HNF4G: variants seen among roughly 807,000 people sequenced by gnomAD.
HNF4G encodes the protein hepatocyte nuclear factor 4-gamma.
Under a neutral mutation model 50.9 loss-of-function variants are expected in HNF4G, and 21 were observed. The observed-to-expected ratio is 0.41, with a 90% CI of 0.29 to 0.59. The LOEUF is 0.59. Among genes scored for constraint, HNF4G ranks in the 20% least tolerant of loss-of-function variants. HNF4G has a pLI of 0.26. For synonymous variants in HNF4G, 198 were observed against 185.6 expected (o/e 1.07, Z -0.54); for missense variants, 527 against 559.4 (o/e 0.94, Z 0.58).
chr8:75,451,082 T>G (rs898948300), intron 1 of HNF4G, among the ~76,000 whole-genome samples: 2 of 152,214 alleles, frequency 1.3e-5, no homozygotes, highest in African/African-American at 4.8e-5. Flanking sequence ...CTGAGACAAT[T>G]AGTAATGTTG....
At chr8:75,456,561 T>A (rs936254061) in intron 1 of HNF4G, among the ~76,000 whole-genome samples, 1 of 152,082 alleles carries the variant, frequency 6.6e-6, no homozygotes, top group African/African-American at 2.4e-5. Context: ...ATTTTATTTT[T>A]AAATAGAACA....
intron 1 of HNF4G, among the ~76,000 whole-genome samples, chr8:75,448,790 T>C (rs1811497842): frequency 6.6e-6 from 1 of 152,042 alleles, no homozygotes; most frequent in South Asian, 2.1e-4. Context: ...TAAAAGGAAG[T>C]AATGACAGAT....
intron 3 of HNF4G, among the ~76,000 whole-genome samples, chr8:75,549,156 T>C (rs1017793422): frequency 6.6e-6 from 1 of 152,214 alleles, no homozygotes; most frequent in Non-Finnish European, 1.5e-5. Context: ...CTTTTGTTCA[T>C]AAAAGAATGT....
rs983851214 is a variant in HNF4G, at chr8:75,564,268, A to G, written c.*172A>G. On this transcript the variant is annotated 3_prime_UTR_variant, in exon 10 of 10. Coordinates refer to ENST00000396423, the MANE Select transcript of HNF4G (RefSeq NM_004133.5). ...GTTCATTCTGTTTGTTATTGCTACT[A>G]TGTAAAACTTTCACATGCAACCAAT... is the stretch of plus-strand genomic sequence containing the variant. 86 of 620,390 alleles carry G rather than the reference A, an allele frequency of 1.4e-4. 1 individual carries two copies. Among genetic ancestry groups the G allele is most frequent in the East Asian group, 5.9e-4 (20 of 34,114 alleles). The allele number at this position is 620,390 out of a possible 1,614,324, so 38.4% of individuals were successfully genotyped here.
chr8:75,492,987 A>T (rs896949554), intron 2 of HNF4G, among the ~76,000 whole-genome samples: 2 of 152,096 alleles, frequency 1.3e-5, no homozygotes, highest in Admixed American at 1.3e-4. Flanking sequence ...CAAGAAATGC[A>T]TGAGGGAACA....
chr8:75,505,020 G>A (rs79006715), intron 2 of HNF4G, among the ~76,000 whole-genome samples: 7,489 of 152,084 alleles, frequency 0.049, 211 homozygotes, highest in African/African-American at 0.06. Flanking sequence ...CCAGAATCTG[G>A]GATATGCTCA....
At position 75,564,307 on chromosome 8, in the gene HNF4G, T is replaced by C; in HGVS notation, c.*211T>C. On this transcript the variant is annotated 3_prime_UTR_variant, in exon 10 of 10. Transcript: ENST00000396423. Reference sequence around the variant, plus strand: ...CATGCAACCAATGTATATCTGAGTTTGAAGATGTTTATATAGGGTATTTTT... The same window carrying C: ...CATGCAACCAATGTATATCTGAGTTCGAAGATGTTTATATAGGGTATTTTT... 6.0e-6 allele frequency: 3 copies of C among 501,178 alleles called. No individual in the cohort carries two copies. Among genetic ancestry groups the C allele is most frequent in the Non-Finnish European group, 1.1e-5 (3 of 283,720 alleles). 31.0% of individuals were successfully genotyped at this position (501,178 alleles called of 1,614,324 possible).
intron 1 of HNF4G, among the ~76,000 whole-genome samples, chr8:75,487,315 A>G (rs542222713): frequency 6.6e-6 from 1 of 152,190 alleles, no homozygotes; most frequent in South Asian, 2.1e-4. Context: ...AGAAGCTGCC[A>G]TGTTTAAGAA....
intron 1 of HNF4G, among the ~76,000 whole-genome samples, chr8:75,487,441 T>A (rs180941949): frequency 5.9e-5 from 9 of 152,268 alleles, no homozygotes; most frequent in Non-Finnish European, 8.8e-5. Context: ...TAAACAAATC[T>A]GAAATTTTCT....
intron 1 of HNF4G, among the ~76,000 whole-genome samples, chr8:75,424,206 A>G (rs1045234452): frequency 5.9e-5 from 9 of 151,986 alleles, no homozygotes; most frequent in Admixed American, 5.9e-4. Context: ...ATGGATTTTT[A>G]CATTGATTAT....
chr8:75,409,703 G>A (rs1810451416), intron 1 of HNF4G, among the ~76,000 whole-genome samples: 2 of 151,718 alleles, frequency 1.3e-5, no homozygotes, highest in South Asian at 2.1e-4. Flanking sequence ...TGGTCAGGCT[G>A]GTCTTGAACT....
In HNF4G at chr8:75,551,379, T is replaced by C. The variant is rs753811196; in HGVS notation, c.383-9T>C. 9 of 1,546,204 alleles carry C rather than the reference T, an allele frequency of 5.8e-6. No homozygotes were observed. The highest frequency in any genetic ancestry group is 1.7e-5 in the Admixed American group (1 of 59,786). ...AGTGCTCAATAAATACTGTGTTTTT[T>C]CCCCCTAGCTGTACAAAATGAACGT... On this transcript the variant is annotated splice_polypyrimidine_tract_variant and intron_variant, in intron 3 of 9. Coordinates refer to ENST00000396423, the MANE Select transcript of HNF4G (RefSeq NM_004133.5).
At position 75,565,617 on chromosome 8, in the gene HNF4G, G is replaced by A. The variant is rs73331898; in HGVS notation, c.*1521G>A. On this transcript the variant is annotated 3_prime_UTR_variant, in exon 10 of 10. Transcript: ENST00000396423. ...ATGCAGTGGCTCCTCTCTGGTTGAGGAGAGGGAAAATTGGAAAAACTGGTC... is the reference window on the plus strand; with the variant it reads ...ATGCAGTGGCTCCTCTCTGGTTGAGAAGAGGGAAAATTGGAAAAACTGGTC... 1 of 152,078 alleles carries A rather than the reference G, an allele frequency of 6.6e-6. No homozygotes were observed. Among genetic ancestry groups the A allele is most frequent in the Non-Finnish European group, 1.5e-5 (1 of 68,012 alleles). The allele number at this position is 152,078 out of a possible 1,614,324, so 9.4% of individuals were successfully genotyped here.
At chr8:75,502,611 C>G (rs1258314678) in intron 2 of HNF4G, among the ~76,000 whole-genome samples, 1 of 152,124 alleles carries the variant, frequency 6.6e-6, no homozygotes, top group Non-Finnish European at 1.5e-5. Context: ...CAATGTAATA[C>G]TACTCTTACC....
At chr8:75,424,798 G>GGAC (rs1391029996) in intron 1 of HNF4G, among the ~76,000 whole-genome samples, 1 of 152,118 alleles carries the variant, frequency 6.6e-6, no homozygotes, top group African/African-American at 2.4e-5. Context: ...CACCATTGAT[G>GGAC]GACACCAAGG....
chr8:75,412,017 T>C (rs1810514740), intron 1 of HNF4G, among the ~76,000 whole-genome samples: 1 of 152,198 alleles, frequency 6.6e-6, no homozygotes, highest in Non-Finnish European at 1.5e-5. Flanking sequence ...GCTTGACTTG[T>C]TGTAAGTTCT....
At chr8:75,418,201 A>T (rs938563969) in intron 1 of HNF4G, among the ~76,000 whole-genome samples, 2 of 151,990 alleles carry the variant, frequency 1.3e-5, no homozygotes, top group African/African-American at 4.8e-5. Flanking sequence ...CCGCCCCTAG[A>T]TTGGTGTGCT....
chr8:75,435,051 C>T (rs1278586941), intron 1 of HNF4G, among the ~76,000 whole-genome samples: 1 of 152,128 alleles, frequency 6.6e-6, no homozygotes, highest in Admixed American at 6.5e-5. Flanking sequence ...TGGGAACACT[C>T]TACAACTTAT....
intron 2 of HNF4G, among the ~76,000 whole-genome samples, chr8:75,499,179 G>A (rs1812859477): frequency 6.6e-6 from 1 of 152,020 alleles, no homozygotes; most frequent in African/African-American, 2.4e-5. Flanking sequence ...GTTCAACAGG[G>A]TTATAGGATA....
Sources: allele counts gnomAD v4.1 joint callset (sites outside exome capture counted in the v4.1 genomes callset), GRCh38; gene constraint gnomAD v4.1.1; transcripts MANE v1.5; gene names NCBI Gene and HGNC (gene_info 2026-07-23, HGNC 2026-07-21).